Variants in LINGO2 observed in about 807,000 individuals in gnomAD.
LINGO2 encodes the protein leucine rich repeat and Ig domain containing 2, also known as leucine-rich repeat and immunoglobulin-like domain-containing nogo receptor-interacting protein 2.
In LINGO2, 14 loss-of-function variants were observed where a neutral mutation model predicts 30.6. The ratio of observed to expected loss-of-function variants is 0.46; its 90% CI spans 0.30 to 0.72. LINGO2 has a LOEUF of 0.72. Ranked by LOEUF, LINGO2 falls within the 30% of genes least tolerant of loss-of-function variation. The pLI is 0.07. For missense variants in LINGO2, 729 were observed against 751.7 expected, an observed-to-expected ratio of 0.97 and a Z score of 0.35; for synonymous variants, 317 against 288.5, an observed-to-expected ratio of 1.10 and a Z score of -1.00.
chr9:27,957,875 AT>A (rs1486941588), intron 5 of LINGO2, among the ~76,000 whole-genome samples: 1 of 152,160 alleles, frequency 6.6e-6, no homozygotes, highest in Non-Finnish European at 1.5e-5. Context: ...GTATTCTTTA[AT>A]TTCCTTCAAC....
chr9:28,591,063 A>T (rs1824878483), intron 1 of LINGO2, among the ~76,000 whole-genome samples: 1 of 152,034 alleles, frequency 6.6e-6, no homozygotes, highest in Non-Finnish European at 1.5e-5. Flanking sequence ...CAAGGACAAA[A>T]AACCAAACAC....
intron 1 of LINGO2, among the ~76,000 whole-genome samples, chr9:28,531,982 A>G (rs932455689): frequency 1.3e-5 from 2 of 152,164 alleles, no homozygotes; most frequent in Admixed American, 6.6e-5. Flanking sequence ...CATAAAATGG[A>G]TTTTAAACTG....
chr9:28,173,556 T>G (rs1828661769), intron 4 of LINGO2, among the ~76,000 whole-genome samples: 1 of 152,110 alleles, frequency 6.6e-6, no homozygotes, highest in Non-Finnish European at 1.5e-5. Context: ...AAGGAGAAAG[T>G]GCATCTCCAT....
the LINGO2 span, among the ~76,000 whole-genome samples, chr9:28,972,814 C>G: frequency 3.3e-5 from 5 of 152,274 alleles, no homozygotes; most frequent in African/African-American, 1.2e-4. Context: ...AGGAACCACT[C>G]TTTCTAAAAC....
rs1231773979 is a variant in LINGO2 at position 28,035,831 on chromosome 9, A to G, written c.-86-23426T>C. Among the ~76,000 whole-genome samples the G allele has an allele frequency of 7.1e-4, 108 of 152,188 alleles. 2 individuals are homozygous for G. The highest frequency in any genetic ancestry group is 6.9e-3 in the Admixed American group (106 of 15,272). ...GAAAGCTCCTAATTAGCTTTTGTAA[A>G]TCCTCTAGCTATGAATTGCTTTTTA... On this transcript the variant is annotated intron_variant, in intron 4 of 5. Transcript: ENST00000379992.
chr9:28,461,445 TCAAACAAAGTCCTA>T (rs1317157568), intron 2 of LINGO2, among the ~76,000 whole-genome samples: 1 of 152,180 alleles, frequency 6.6e-6, no homozygotes, highest in Admixed American at 6.5e-5. Flanking sequence ...ACATTTTGTA[TCAAACAAAGTCCTA>T]ATGACTTAGG....
chr9:29,049,911 ATAACT>A, the LINGO2 span, among the ~76,000 whole-genome samples: 8 of 152,176 alleles, frequency 5.3e-5, no homozygotes, highest in East Asian at 1.9e-4. Context: ...ATAGTCAATA[ATAACT>A]TAATTATACA....
At chr9:28,740,102 A>C in the LINGO2 span, among the ~76,000 whole-genome samples, 1 of 151,658 alleles carries the variant, frequency 6.6e-6, no homozygotes, top group South Asian at 2.1e-4. Context: ...CCAGAAAAAT[A>C]TGTGTTGCGT....
chr9:28,633,522 T>A (rs772003083), intron 1 of LINGO2, among the ~76,000 whole-genome samples: 22 of 152,172 alleles, frequency 1.4e-4, no homozygotes, highest in Admixed American at 4.6e-4. Context: ...GATTTTGAGG[T>A]AAAAGCTCTC....
In LINGO2 at chr9:28,288,077, T is replaced by C. The variant is rs542951180; in HGVS notation, c.-87+7131A>G. 3.9e-5 allele frequency among the ~76,000 whole-genome samples: 6 copies of C among 152,290 alleles called. No homozygotes were observed. The South Asian group carries it at 1.2e-3, about 32-fold the overall frequency. On this transcript the variant is annotated intron_variant, in intron 4 of 5. Transcript: ENST00000379992. ...ACGCTCTTAGTTTATCATTTCTCTC[T>C]GTACATATCTTCCCTACTTCCGCCC...
At chr9:28,891,935 T>TA in the LINGO2 span, among the ~76,000 whole-genome samples, 4 of 139,206 alleles carry the variant, frequency 2.9e-5, no homozygotes, top group African/African-American at 4.9e-5. Flanking sequence ...ACTTTTTTTA[T>TA]AAACACTCTA....
At chr9:28,416,065 G>A (rs1461131361) in intron 2 of LINGO2, among the ~76,000 whole-genome samples, 1 of 152,062 alleles carries the variant, frequency 6.6e-6, no homozygotes, top group Non-Finnish European at 1.5e-5. Flanking sequence ...TGTAAAGATT[G>A]AGGATTTTTA....
intron 3 of LINGO2, among the ~76,000 whole-genome samples, chr9:28,320,634 G>A (rs1404401249): frequency 6.6e-6 from 1 of 152,146 alleles, no homozygotes; most frequent in Non-Finnish European, 1.5e-5. Flanking sequence ...ACGCAGAAGT[G>A]GAGAAGACAG....
chr9:28,768,399 T>C, the LINGO2 span, among the ~76,000 whole-genome samples: 1 of 152,178 alleles, frequency 6.6e-6, no homozygotes, highest in African/African-American at 2.4e-5. Context: ...ATTATCTTTG[T>C]AGTCTTTGAT....
chr9:28,302,872 C>T (rs964974737), intron 3 of LINGO2, among the ~76,000 whole-genome samples: 2 of 152,084 alleles, frequency 1.3e-5, no homozygotes, highest in African/African-American at 4.8e-5. Flanking sequence ...GGTACTACTT[C>T]CATTTTGCAA....
At chr9:28,128,114 G>A (rs1006339525) in intron 4 of LINGO2, among the ~76,000 whole-genome samples, 1 of 152,202 alleles carries the variant, frequency 6.6e-6, no homozygotes, top group African/African-American at 2.4e-5. Flanking sequence ...GGAGTCACAG[G>A]AAGGTAAGTT....
At chr9:28,074,580 A>T (rs1029324139) in intron 4 of LINGO2, among the ~76,000 whole-genome samples, 1 of 152,180 alleles carries the variant, frequency 6.6e-6, no homozygotes, top group African/African-American at 2.4e-5. Context: ...GAGGAAGTAC[A>T]TAGAGACTTA....
upstream of LINGO2, among the ~76,000 whole-genome samples, chr9:28,674,867 G>A (rs946040223): frequency 6.6e-6 from 1 of 152,014 alleles, no homozygotes; most frequent in Non-Finnish European, 1.5e-5. Flanking sequence ...CCAACAGATC[G>A]GCAGCCTCTC....
chr9:28,778,925 T>A, the LINGO2 span, among the ~76,000 whole-genome samples: 38,074 of 152,068 alleles, frequency 0.25, 4,923 homozygotes, highest in African/African-American at 0.29. Context: ...GCATCTGGAT[T>A]ATCTATATCT....
Sources: allele counts gnomAD v4.1 joint callset (sites outside exome capture counted in the v4.1 genomes callset), GRCh38; gene constraint gnomAD v4.1.1; transcripts MANE v1.5; gene names NCBI Gene and HGNC (gene_info 2026-07-23, HGNC 2026-07-21).